Variants in RLIM observed in about 807,000 individuals in gnomAD.
RLIM encodes the protein E3 ubiquitin-protein ligase RLIM.
RLIM carries 2 observed loss-of-function variants against 34.0 expected under a neutral mutation model. That is an observed-to-expected ratio of 0.06 (90% CI 0.02 to 0.19). RLIM has a LOEUF of 0.19. Ranked by LOEUF, RLIM falls within the 10% of genes least tolerant of loss-of-function variation. The pLI is 1.00. For synonymous variants in RLIM, 169 were observed against 164.0 expected (o/e 1.03, Z -0.23); for missense variants, 286 against 479.7 (o/e 0.60, Z 3.77).
intron 1 of RLIM, among the ~76,000 whole-genome samples, chrX:74,597,501 A>T (rs1215081482): frequency 8.9e-6 from 1 of 111,931 alleles, no homozygotes; most frequent in African/African-American, 3.2e-5. Context: ...AAATAATCAT[A>T]GGTGAGAATA....
chrX:74,595,267 T>C (rs1422849455), intron 2 of RLIM, among the ~76,000 whole-genome samples: 1 of 111,744 alleles, frequency 8.9e-6, no homozygotes, highest in Admixed American at 9.6e-5. Context: ...CCTTTTAAAA[T>C]CTAAGCAATT....
rs1004138980 is a variant in RLIM at position 74,586,227 on chromosome X, A to T, written c.*5213T>A. ...CAAACACTGGACAGTTAAAACACAT[A>T]CAAACCAGTTAAAAGAACATTAGTA... On this transcript the variant is annotated 3_prime_UTR_variant, in exon 4 of 4. Coordinates refer to ENST00000332687, the MANE Select transcript of RLIM (RefSeq NM_016120.4). 5.4e-5 allele frequency: 6 copies of T among 111,943 alleles called. No homozygotes were observed. Among genetic ancestry groups the T allele is most frequent in the Non-Finnish European group, 1.1e-4 (6 of 53,251 alleles). The allele number at this position is 111,943 out of a possible 1,213,427, so 9.2% of individuals were successfully genotyped here.
chrX:74,599,606 T>C (rs1194801499), intron 1 of RLIM, among the ~76,000 whole-genome samples: 1 of 111,245 alleles, frequency 9.0e-6, no homozygotes, highest in Non-Finnish European at 1.9e-5. Flanking sequence ...GAGAGTTCCT[T>C]TGTCCTTTTG....
Position 74,595,829 on chromosome X carries a change from T to C in RLIM, c.149A>G (p.Asn50Ser), listed in dbSNP as rs2079637584. 5.8e-6 allele frequency: 7 copies of C among 1,200,502 alleles called. No individual in the cohort carries two copies. Among genetic ancestry groups the C allele is most frequent in the Non-Finnish European group, 7.9e-6 (7 of 889,529 alleles). The change falls in exon 2 of 4, where the codon AAC becomes AGC. Residue 50 changes from asparagine to serine, a missense_variant. Around this residue, in one of 6 missense-constraint regions of RLIM, gnomAD observed 62 missense variants for 71.3 expected, o/e 0.87. Transcript: ENST00000332687. ...SEEDYRLMRD[N>S]NLLGTPGEST... is the part of the protein sequence containing the mutation. ...CATACCTGGGGTGCCTAGCAAATTG[T>C]TATCTCTCATAAGCCTATAATCTTC...
At chrX:74,608,820 G>A (rs935962734) in intron 1 of RLIM, among the ~76,000 whole-genome samples, 2 of 112,058 alleles carry the variant, frequency 1.8e-5, no homozygotes, top group Admixed American at 9.5e-5. Context: ...TGCCAAATGC[G>A]GTTGATCTAC....
rs779955852 is a variant in RLIM, at chrX:74,585,595, C to T, written c.*5845G>A. On this transcript the variant is annotated 3_prime_UTR_variant, in exon 4 of 4. Coordinates refer to ENST00000332687, the MANE Select transcript of RLIM (RefSeq NM_016120.4). ...TAAAAGATAACTATTAATAATCAAA[C>T]CAGCTTTAATATGATTGACCTTTCA... The T allele has an allele frequency of 8.9e-6, 1 of 112,064 alleles. No individual in the cohort carries two copies. Among genetic ancestry groups the T allele is most frequent in the South Asian group, 3.7e-4 (1 of 2,699 alleles). The allele number at this position is 112,064 out of a possible 1,213,427, so 9.2% of individuals were successfully genotyped here. A position where few individuals can be genotyped will look rare whatever the true frequency, so the allele number is the denominator to read the frequency against.
At chrX:74,606,218 A>T (rs952333187) in intron 1 of RLIM, among the ~76,000 whole-genome samples, 1 of 112,137 alleles carries the variant, frequency 8.9e-6, no homozygotes, top group African/African-American at 3.2e-5. Flanking sequence ...GATAAACAGC[A>T]TATTTTATTA....
At chrX:74,612,195 T>C (rs1173074719) in intron 1 of RLIM, among the ~76,000 whole-genome samples, 4 of 112,351 alleles carry the variant, frequency 3.6e-5, no homozygotes, top group East Asian at 2.8e-4. Context: ...CGTAAAATTA[T>C]ACTCTCGTAA....
intron 1 of RLIM, among the ~76,000 whole-genome samples, chrX:74,612,849 C>T (rs902757138): frequency 1.8e-5 from 2 of 111,437 alleles, no homozygotes; most frequent in African/African-American, 3.3e-5. Flanking sequence ...AGACAATTTA[C>T]GTTTTATTAT....
At chrX:74,596,240 A>G (rs956000594) in intron 1 of RLIM, among the ~76,000 whole-genome samples, 1 of 112,082 alleles carries the variant, frequency 8.9e-6, no homozygotes, top group East Asian at 2.8e-4. Context: ...AAATCCAGCC[A>G]TACTGTGGTA....
chrX:74,595,086 G>A (rs7053631), intron 2 of RLIM, among the ~76,000 whole-genome samples: 7,920 of 110,135 alleles, frequency 0.072, 450 homozygotes, highest in African/African-American at 0.19. Flanking sequence ...TTTGAGAGGA[G>A]GATATTGTTA....
chrX:74,595,247 T>C (rs926010146), intron 2 of RLIM, among the ~76,000 whole-genome samples: 8 of 111,967 alleles, frequency 7.1e-5, no homozygotes, highest in African/African-American at 2.6e-4. Flanking sequence ...AAAGTCATGC[T>C]AAAACCTTAC....
At chrX:74,612,775 T>G (rs1004262258) in intron 1 of RLIM, 10 of 110,528 alleles carry the variant, frequency 9.0e-5, no homozygotes, top group Non-Finnish European at 1.7e-4. Context: ...ATTAGGGCAT[T>G]TGGGGAGAGC....
At chrX:74,593,192 A>G (rs1245773481) in intron 3 of RLIM, 131 bp from the exon 4 acceptor site, 1 of 660,098 alleles carries the variant, frequency 1.5e-6, no homozygotes, top group African/African-American at 2.2e-5. Context: ...ACAGATTTTT[A>G]CAAACTATAC....
chrX:74,597,114 C>T (rs1001547366), intron 1 of RLIM, among the ~76,000 whole-genome samples: 12 of 111,818 alleles, frequency 1.1e-4, no homozygotes, highest in African/African-American at 3.9e-4. Flanking sequence ...TATTTCTTCA[C>T]AAAAATAAAA....
At position 74,589,821 on chromosome X, in the gene RLIM, G is replaced by C. The variant is rs2079604551; in HGVS notation, c.*1619C>G. 8.9e-6 allele frequency: 1 copy of C among 111,894 alleles called. No individual in the cohort carries two copies. The highest frequency in any genetic ancestry group is 3.2e-5 in the African/African-American group (1 of 30,792). 9.2% of individuals were successfully genotyped at this position (111,894 alleles called of 1,213,427 possible). A position where few individuals can be genotyped will look rare whatever the true frequency, so the allele number is the denominator to read the frequency against. ...GTCATTCTAATCCTAACCCCAGCTA[G>C]TCTCAAAAAAGAAATTAGGCAAGAA... On this transcript the variant is annotated 3_prime_UTR_variant, in exon 4 of 4. Coordinates refer to ENST00000332687, the MANE Select transcript of RLIM (RefSeq NM_016120.4).
rs2079596113 is a variant in RLIM at position 74,588,167 on chromosome X, G to C, written c.*3273C>G. On this transcript the variant is annotated 3_prime_UTR_variant, in exon 4 of 4. Coordinates refer to ENST00000332687, the MANE Select transcript of RLIM (RefSeq NM_016120.4). ...AACTTGCTCAATTTTGTTTCTAATAGTACTAATAAACCTCAACTTTGGCTG... is the reference window on the plus strand; with the variant it reads ...AACTTGCTCAATTTTGTTTCTAATACTACTAATAAACCTCAACTTTGGCTG... 1 of 112,209 alleles carries C rather than the reference G, an allele frequency of 8.9e-6. No homozygotes were observed. Among genetic ancestry groups the C allele is most frequent in the African/African-American group, 3.2e-5 (1 of 30,860 alleles). 9.2% of individuals were successfully genotyped at this position (112,209 alleles called of 1,213,427 possible).
chrX:74,614,287 G>C (rs1325583176), intron 1 of RLIM, 135 bp downstream of exon 1: 1 of 112,363 alleles, frequency 8.9e-6, no homozygotes, highest in Non-Finnish European at 1.9e-5. Flanking sequence ...CAACGGGCCT[G>C]GGGTCCGGAG....
At chrX:74,605,871 GAGAA>G (rs2079680231) in intron 1 of RLIM, among the ~76,000 whole-genome samples, 2 of 111,056 alleles carry the variant, frequency 1.8e-5, no homozygotes, top group African/African-American at 6.5e-5. Flanking sequence ...CAGAAGCACA[GAGAA>G]AGAAAGTGAT....
Sources: gnomAD v4.1 joint callset for allele counts (sites outside exome capture counted in the v4.1 genomes callset) on GRCh38, gnomAD v4.1.1 for gene constraint, gnomAD v4.1.1 regional missense constraint, MANE v1.5 for transcripts, NCBI Gene and HGNC (gene_info 2026-07-23, HGNC 2026-07-21) for gene names.